LARGE1: variants seen among roughly 807,000 people sequenced by gnomAD.
The protein encoded by LARGE1 is xylosyl- and glucuronyltransferase LARGE1.
LARGE1 carries 43 observed loss-of-function variants against 87.6 expected under a neutral mutation model. That is an observed-to-expected ratio of 0.49 (90% CI 0.38 to 0.63). The LOEUF is 0.63. LARGE1 is among the 30% of genes least tolerant of loss of function. LARGE1 has a pLI of 0.00. For missense variants in LARGE1, 802 were observed against 1,000.2 expected (o/e 0.80, Z 2.67); for synonymous variants, 434 against 394.6 (o/e 1.10, Z -1.18).
At chr22:33,202,852 G>C (rs922323283) in intron 11 of LARGE1, among the ~76,000 whole-genome samples, 1 of 152,164 alleles carries the variant, frequency 6.6e-6, no homozygotes, top group Non-Finnish European at 1.5e-5. Context: ...GGACACAGTG[G>C]AAAAGACAGC....
intron 6 of LARGE1, among the ~76,000 whole-genome samples, chr22:33,480,472 C>T (rs1048658555): frequency 3.3e-5 from 5 of 152,206 alleles, no homozygotes; most frequent in Non-Finnish European, 4.4e-5. Flanking sequence ...AGGTGAGCCC[C>T]GTAGAGGTTC....
At chr22:33,631,405 C>T (rs915779791) in intron 3 of LARGE1, among the ~76,000 whole-genome samples, 3 of 152,114 alleles carry the variant, frequency 2.0e-5, no homozygotes, top group Non-Finnish European at 4.4e-5. Flanking sequence ...TATGAAAATA[C>T]TTTATATTCT....
At chr22:33,304,811 C>T (rs1470688399) in intron 11 of LARGE1, among the ~76,000 whole-genome samples, 1 of 152,170 alleles carries the variant, frequency 6.6e-6, no homozygotes, top group East Asian at 1.9e-4. Context: ...TGAAGATCCC[C>T]TTCCAGCCCC....
intron 1 of LARGE1, among the ~76,000 whole-genome samples, chr22:33,774,958 G>T (rs147334209): frequency 1.3e-5 from 2 of 152,112 alleles, no homozygotes; most frequent in African/African-American, 2.4e-5. Flanking sequence ...AAGCTTTGCC[G>T]TAATACAGGC....
At chr22:33,771,176 T>A (rs2085057566) in intron 1 of LARGE1, among the ~76,000 whole-genome samples, 1 of 146,774 alleles carries the variant, frequency 6.8e-6, no homozygotes, top group Non-Finnish European at 1.5e-5. Flanking sequence ...TTTTTTTGCT[T>A]TTTTTTTTTT....
At chr22:33,743,790 G>T (rs2083977900) in intron 2 of LARGE1, among the ~76,000 whole-genome samples, 1 of 152,202 alleles carries the variant, frequency 6.6e-6, no homozygotes, top group Admixed American at 6.5e-5. Flanking sequence ...TAGTGATGAA[G>T]TTCATTATTC....
At chr22:33,884,235 A>G (rs769633086) in intron 1 of LARGE1, among the ~76,000 whole-genome samples, 2 of 152,200 alleles carry the variant, frequency 1.3e-5, no homozygotes, top group Non-Finnish European at 2.9e-5. Flanking sequence ...TCTGTGTACG[A>G]ATCATTACTG....
At chr22:33,185,060 C>A (rs1280388420) in intron 11 of LARGE1, among the ~76,000 whole-genome samples, 4 of 152,102 alleles carry the variant, frequency 2.6e-5, no homozygotes, top group African/African-American at 9.7e-5. Flanking sequence ...TGGTATTTAT[C>A]TAAGTGAATT....
At chr22:33,510,102 A>C (rs898543872) in intron 6 of LARGE1, among the ~76,000 whole-genome samples, 1 of 152,218 alleles carries the variant, frequency 6.6e-6, no homozygotes, top group African/African-American at 2.4e-5. Context: ...TATTCTACTT[A>C]ATAAACTACC....
At chr22:33,864,903 C>T (rs1386058133) in intron 1 of LARGE1, among the ~76,000 whole-genome samples, 8 of 152,180 alleles carry the variant, frequency 5.3e-5, no homozygotes, top group Non-Finnish European at 7.3e-5. Flanking sequence ...CTCTATCTCT[C>T]GCTCACTCTC....
chr22:33,477,310 A>C (rs897176032), intron 6 of LARGE1, among the ~76,000 whole-genome samples: 4 of 152,206 alleles, frequency 2.6e-5, no homozygotes, highest in Non-Finnish European at 5.9e-5. Context: ...GTCAGTTATA[A>C]GGAATGGGGA....
intron 2 of LARGE1, among the ~76,000 whole-genome samples, chr22:33,734,382 G>A (rs561382978): frequency 2.6e-5 from 4 of 152,282 alleles, no homozygotes; most frequent in African/African-American, 9.6e-5. Flanking sequence ...GGGTACTGAT[G>A]TGGTCAAAGG....
At chr22:33,568,766 C>CAAAAAAAAAA (rs57651807) in intron 5 of LARGE1, among the ~76,000 whole-genome samples, 43 of 92,732 alleles carry the variant, frequency 4.6e-4, no homozygotes, top group Admixed American at 8.0e-4. Flanking sequence ...AACTCAGTCT[C>CAAAAAAAAAA]AAAAAAAAAA....
intron 1 of LARGE1, among the ~76,000 whole-genome samples, chr22:33,882,276 C>G (rs1487903585): frequency 6.6e-6 from 1 of 152,100 alleles, no homozygotes; most frequent in Non-Finnish European, 1.5e-5. Flanking sequence ...GTGATCCGCT[C>G]GCCTCGGCCT....
chr22:33,388,135 T>C (rs963815292), intron 7 of LARGE1, among the ~76,000 whole-genome samples: 1 of 152,258 alleles, frequency 6.6e-6, no homozygotes, highest in African/African-American at 2.4e-5. Context: ...ATGTTAGTAT[T>C]TCCTATCTAG....
chr22:33,139,344 TG>T, the LARGE1 span, among the ~76,000 whole-genome samples: 5 of 152,286 alleles, frequency 3.3e-5, no homozygotes, highest in East Asian at 9.7e-4. Context: ...CACTTTTTGA[TG>T]GGAGCATTTG....
intron 7 of LARGE1, among the ~76,000 whole-genome samples, chr22:33,430,941 T>C (rs549205822): frequency 5.3e-5 from 8 of 152,238 alleles, no homozygotes; most frequent in Admixed American, 2.6e-4. Flanking sequence ...AGGCTTCACT[T>C]ATCACTTTTA....
chr22:33,902,035 A>G (rs554921850), intron 1 of LARGE1, among the ~76,000 whole-genome samples: 1 of 152,228 alleles, frequency 6.6e-6, no homozygotes, highest in Non-Finnish European at 1.5e-5. Context: ...AGCGAGAACA[A>G]TGACAACTTC....
At chr22:33,666,956 C>T (rs1020317137) in intron 2 of LARGE1, among the ~76,000 whole-genome samples, 30 of 152,196 alleles carry the variant, frequency 2.0e-4, no homozygotes, top group African/African-American at 6.0e-4. Context: ...TGCTTCTCCA[C>T]GCTAATCAAG....
Sources: allele counts gnomAD v4.1 joint callset (sites outside exome capture counted in the v4.1 genomes callset), GRCh38; gene constraint gnomAD v4.1.1; transcripts MANE v1.5; gene names NCBI Gene and HGNC (gene_info 2026-07-23, HGNC 2026-07-21).